Variants in PRKG1 observed in about 807,000 individuals in gnomAD.
The protein encoded by PRKG1 is protein kinase cGMP-dependent 1.
A neutral mutation model predicts 88.1 loss-of-function variants in PRKG1; 35 were observed. The ratio of observed to expected loss-of-function variants is 0.40; its 90% CI spans 0.30 to 0.53. The LOEUF (loss-of-function observed/expected upper bound fraction) is 0.53, where lower values mean the gene tolerates loss of function less well. PRKG1 is among the 20% of genes least tolerant of loss of function. The pLI, the probability that PRKG1 is intolerant of heterozygous loss-of-function variation, is 0.59. For missense variants in PRKG1, 540 were observed against 839.8 expected (o/e 0.64, Z 4.41); for synonymous variants, 303 against 292.5 (o/e 1.04, Z -0.37).
chr10:52,179,452 C>T (rs761485829), intron 9 of PRKG1, among the ~76,000 whole-genome samples: 1 of 152,142 alleles, frequency 6.6e-6, no homozygotes, highest in African/African-American at 2.4e-5. Flanking sequence ...GCTGAGAAAT[C>T]CACTTTTATT....
intron 2 of PRKG1, among the ~76,000 whole-genome samples, chr10:51,286,747 T>C (rs1840451262): frequency 6.6e-6 from 1 of 152,252 alleles, no homozygotes; most frequent in Non-Finnish European, 1.5e-5. Flanking sequence ...ATATTATTGT[T>C]GACTATAATC....
At chr10:51,948,795 T>G (rs535880526) in intron 5 of PRKG1, among the ~76,000 whole-genome samples, 1 of 152,122 alleles carries the variant, frequency 6.6e-6, no homozygotes, top group Non-Finnish European at 1.5e-5. Context: ...TGGAAATAGA[T>G]TCATATATCT....
intron 3 of PRKG1, among the ~76,000 whole-genome samples, chr10:51,555,428 C>G (rs1564548138): frequency 6.6e-6 from 1 of 151,732 alleles, no homozygotes; most frequent in Non-Finnish European, 1.5e-5. Flanking sequence ...TAGAAATTGT[C>G]TTTATTGAAG....
chr10:51,113,739 A>AAC (rs1487236512), intron 1 of PRKG1, among the ~76,000 whole-genome samples: 1 of 126,308 alleles, frequency 7.9e-6, no homozygotes, highest in African/African-American at 2.6e-5. Context: ...AAAAAAAAAA[A>AAC]AAAAAAAAAA....
chr10:51,270,432 C>T (rs1306670404), intron 2 of PRKG1, among the ~76,000 whole-genome samples: 1 of 152,036 alleles, frequency 6.6e-6, no homozygotes, highest in Non-Finnish European at 1.5e-5. Context: ...CTTCAAATAC[C>T]TTTCCATAGT....
At chr10:51,947,418 A>G (rs901779629) in intron 5 of PRKG1, among the ~76,000 whole-genome samples, 2 of 152,220 alleles carry the variant, frequency 1.3e-5, no homozygotes, top group Admixed American at 6.5e-5. Context: ...GCACTTCCCA[A>G]GTGAGGCAAT....
At chr10:52,008,768 A>G (rs1192018544) in intron 5 of PRKG1, among the ~76,000 whole-genome samples, 1 of 152,112 alleles carries the variant, frequency 6.6e-6, no homozygotes, top group Non-Finnish European at 1.5e-5. Context: ...AATGTAATAG[A>G]TATAAAAATC....
chr10:51,904,156 G>T (rs1052728056), intron 4 of PRKG1, among the ~76,000 whole-genome samples: 1 of 152,006 alleles, frequency 6.6e-6, no homozygotes, highest in Non-Finnish European at 1.5e-5. Context: ...CCTATTGCAA[G>T]TCCTTAGGGA....
At chr10:51,354,004 G>A (rs1842309962) in intron 2 of PRKG1, among the ~76,000 whole-genome samples, 1 of 152,088 alleles carries the variant, frequency 6.6e-6, no homozygotes, top group Non-Finnish European at 1.5e-5. Flanking sequence ...CAACATGGAT[G>A]GAACTGGAGG....
chr10:51,500,372 C>G (rs181862068), intron 3 of PRKG1, among the ~76,000 whole-genome samples: 26 of 152,252 alleles, frequency 1.7e-4, no homozygotes, highest in African/African-American at 6.0e-4. Flanking sequence ...CTGCTACCAC[C>G]TTTCTCCATA....
chr10:51,039,365 G>T (rs1190061907), intron 1 of PRKG1, among the ~76,000 whole-genome samples: 4 of 152,114 alleles, frequency 2.6e-5, no homozygotes, highest in Non-Finnish European at 5.9e-5. Context: ...ATACCTGTTT[G>T]CCATTTGTAT....
chr10:51,585,617 G>T (rs1448047584), intron 3 of PRKG1, among the ~76,000 whole-genome samples: 1 of 151,950 alleles, frequency 6.6e-6, no homozygotes, highest in African/African-American at 2.4e-5. Context: ...TCTGTTACTG[G>T]GTATATATCC....
Position 52,109,744 on chromosome 10 carries a change from C to A in PRKG1, c.936-24096C>A, listed in dbSNP as rs561273018. On this transcript the variant is annotated intron_variant, in intron 7 of 17. Transcript: ENST00000373980. Reference sequence around the variant, plus strand: ...CGCCACTGCACTCCAGCCTGGGTGACAGAGCCAGACTCCATCTCAAAAAAA... The same window carrying A: ...CGCCACTGCACTCCAGCCTGGGTGAAAGAGCCAGACTCCATCTCAAAAAAA... 3.6e-3 allele frequency among the ~76,000 whole-genome samples: 542 copies of A among 151,058 alleles called. 2 individuals are homozygous for A. The highest frequency in any genetic ancestry group is 0.012 in the African/African-American group (501 of 40,636).
At chr10:51,002,106 C>A (rs1242397951) in intron 1 of PRKG1, among the ~76,000 whole-genome samples, 2 of 151,470 alleles carry the variant, frequency 1.3e-5, no homozygotes, top group Non-Finnish European at 2.9e-5. Context: ...TCCTAAAACC[C>A]CTATGAGGAA....
At chr10:51,869,506 C>G (rs1169491906) in intron 4 of PRKG1, among the ~76,000 whole-genome samples, 2 of 151,952 alleles carry the variant, frequency 1.3e-5, no homozygotes, top group African/African-American at 4.8e-5. Flanking sequence ...AAGAAACAAA[C>G]CTATGCAGGG....
rs563380380 is a variant in PRKG1 at position 51,865,079 on chromosome 10, T to C, written c.699-42428T>C. On this transcript the variant is annotated intron_variant, in intron 4 of 17. Coordinates refer to ENST00000373980, the MANE Select transcript of PRKG1 (RefSeq NM_006258.4). ...TAATGAATTATAGGAGGATTTCACA[T>C]TCTCAGAGAAATTTATAAATAACTC... Among the ~76,000 whole-genome samples, 16 of 152,274 alleles carry C rather than the reference T, an allele frequency of 1.1e-4. No individual in the cohort carries two copies. In the South Asian group the frequency reaches 3.3e-3, roughly 32 times the overall value.
At chr10:51,529,875 CT>C (rs1208512067) in intron 3 of PRKG1, among the ~76,000 whole-genome samples, 1 of 152,196 alleles carries the variant, frequency 6.6e-6, no homozygotes, top group Admixed American at 6.5e-5. Context: ...GAGTTTGTCA[CT>C]TTATAATTCC....
intron 3 of PRKG1, among the ~76,000 whole-genome samples, chr10:51,613,792 C>T (rs1232595932): frequency 1.3e-5 from 2 of 151,704 alleles, no homozygotes; most frequent in Non-Finnish European, 3.0e-5. Flanking sequence ...TGTGTACTTT[C>T]CAAAGTGCAT....
intron 4 of PRKG1, among the ~76,000 whole-genome samples, chr10:51,871,779 G>C (rs529511054): frequency 1.1e-3 from 164 of 152,316 alleles, no homozygotes; most frequent in African/African-American, 3.8e-3. Flanking sequence ...CCTGGAGGGA[G>C]GGGGAAACAC....
Sources: allele counts gnomAD v4.1 joint callset (sites outside exome capture counted in the v4.1 genomes callset), GRCh38; gene constraint gnomAD v4.1.1; transcripts MANE v1.5; gene names NCBI Gene and HGNC (gene_info 2026-07-23, HGNC 2026-07-21).